The following RRH variants were observed in gnomAD, a reference collection of about 807,000 sequenced individuals.
The protein encoded by RRH is retinal pigment epithelium-derived rhodopsin homolog.
Under a neutral mutation model 33.1 loss-of-function variants are expected in RRH, and 36 were observed. That is an observed-to-expected ratio of 1.09 (90% CI 0.83 to 1.44). RRH has a LOEUF of 1.44. Among genes scored for constraint, RRH ranks in the 40% most tolerant of loss-of-function variants. The pLI, the probability that RRH is intolerant of heterozygous loss-of-function variation, is 0.00. For missense variants in RRH, 393 were observed against 420.2 expected, an observed-to-expected ratio of 0.94 and a Z score of 0.57; for synonymous variants, 124 against 140.2, an observed-to-expected ratio of 0.88 and a Z score of 0.82.
intron 2 of RRH, among the ~76,000 whole-genome samples, chr4:109,834,775 C>G (rs1240892895): frequency 6.6e-6 from 1 of 152,106 alleles, no homozygotes; most frequent in Non-Finnish European, 1.5e-5. Context: ...TGTTCATCTT[C>G]AACTTTATCA....
chr4:109,831,671 G>T (rs1401642528), intron 1 of RRH, among the ~76,000 whole-genome samples: 1 of 152,058 alleles, frequency 6.6e-6, no homozygotes, highest in Non-Finnish European at 1.5e-5. Flanking sequence ...AGTCAAGCAT[G>T]GTGTATCTGG....
At chr4:109,835,595 G>A (rs771306731) in intron 3 of RRH, 130 bp downstream of exon 3, 5 of 750,356 alleles carry the variant, frequency 6.7e-6, no homozygotes, top group Non-Finnish European at 1.2e-5. Context: ...GCCAATAATT[G>A]TTCAAATGTT....
chr4:109,838,161 T>C (rs1733924221), intron 5 of RRH, among the ~76,000 whole-genome samples: 2 of 152,202 alleles, frequency 1.3e-5, no homozygotes, highest in African/African-American at 2.4e-5. Flanking sequence ...TTTCCTACTA[T>C]GGATGATGAG....
At chr4:109,843,884 A>G (rs1207587952) in intron 6 of RRH, among the ~76,000 whole-genome samples, 199 bp from the exon 7 acceptor site, 1 of 152,228 alleles carries the variant, frequency 6.6e-6, no homozygotes, top group Non-Finnish European at 1.5e-5. Context: ...CTATAGAATC[A>G]ATAGTGCAAA....
At chr4:109,842,094 G>A (rs1379695753) in intron 5 of RRH, among the ~76,000 whole-genome samples, 2 of 152,046 alleles carry the variant, frequency 1.3e-5, no homozygotes, top group African/African-American at 4.8e-5. Context: ...TAATAGCCAT[G>A]CCAGGAGTTC....
rs540194140 is a variant in RRH at position 109,831,304 on chromosome 4, A to G, written c.107-1835A>G. Among the ~76,000 whole-genome samples, 25 of 152,288 alleles carry G rather than the reference A, an allele frequency of 1.6e-4. No homozygotes were observed. The South Asian group carries it at 4.6e-3, about 28-fold the overall frequency. ...TAGATGCTAAAAATAGGGCCAAAGA[A>G]TCATCAAATTTGCTGTCATTGTGTG... On this transcript the variant is annotated intron_variant, in intron 1 of 6. Coordinates refer to ENST00000317735, the MANE Select transcript of RRH (RefSeq NM_006583.5).
chr4:109,833,219 A>G lies in RRH; in HGVS notation c.187A>G (p.Ile63Val), dbSNP rs1733797995. The change falls in exon 2 of 7, where the codon ATT becomes GTT. Residue 63 changes from isoleucine to valine, a missense_variant. Ile to Val is a conservative substitution (Grantham distance 29). Transcript: ENST00000317735. ...YKELRTPTNA[I>V]IINLAVTDIG... ...GGAACTTCGGACACCCACAAATGCA[A>G]TTATTATTAACCTGGCTGTTACTGA... is the stretch of plus-strand genomic sequence containing the variant. The G allele has an allele frequency of 6.2e-7, 1 of 1,613,816 alleles. No homozygotes were observed. Among genetic ancestry groups the G allele is most frequent in the East Asian group, 2.2e-5 (1 of 44,862 alleles).
At chr4:109,836,911 A>AT (rs1733897289) in intron 4 of RRH, among the ~76,000 whole-genome samples, 2 of 147,662 alleles carry the variant, frequency 1.4e-5, no homozygotes, top group Non-Finnish European at 3.0e-5. Context: ...AAAAAAAAAA[A>AT]GCAGAGGGTG....
At chr4:109,843,431 G>A (rs1429146727) in intron 6 of RRH, among the ~76,000 whole-genome samples, 5 of 152,156 alleles carry the variant, frequency 3.3e-5, no homozygotes, top group Admixed American at 1.3e-4. Flanking sequence ...GGCTCGTCTT[G>A]AACTCCTGAC....
intron 1 of RRH, 130 bp downstream of exon 1, chr4:109,828,263 G>C (rs1337106288): frequency 4.3e-5 from 28 of 657,402 alleles, no homozygotes; most frequent in Non-Finnish European, 7.8e-5. Context: ...ATCCTGACTT[G>C]GCTTGCTCGT....
At chr4:109,834,418 C>T (rs1733834318) in intron 2 of RRH, among the ~76,000 whole-genome samples, 1 of 150,352 alleles carries the variant, frequency 6.7e-6, no homozygotes, top group African/African-American at 2.4e-5. Flanking sequence ...CAAGCTCTGC[C>T]TTCTGGGTTC....
intron 5 of RRH, among the ~76,000 whole-genome samples, chr4:109,838,357 C>T (rs1490828695): frequency 6.6e-6 from 1 of 152,110 alleles, no homozygotes; most frequent in Non-Finnish European, 1.5e-5. Flanking sequence ...CTCCTGGTTC[C>T]CTGGGGCCTC....
chr4:109,836,090 A>G lies in RRH; in HGVS notation c.481A>G (p.Ile161Val), dbSNP rs1560584753. The G allele has an allele frequency of 3.7e-6, 6 of 1,614,210 alleles. No individual in the cohort carries two copies. The highest frequency in any genetic ancestry group is 5.1e-6 in the Non-Finnish European group (6 of 1,180,008). Residue 161 changes from isoleucine to valine, a missense_variant, in exon 4 of 7, where the codon ATA (isoleucine) becomes GTA (valine). Transcript: ENST00000317735. ...NGLFWALMPI[I>V]GWASYAPDPT... ...CCTGTTTTGGGCTTTGATGCCTATC[A>G]TAGGGTGGGCTAGTTATGCCCCAGA...
intron 3 of RRH, 38 bp downstream of exon 3, chr4:109,835,503 T>A (rs1398258513): frequency 1.5e-6 from 2 of 1,368,542 alleles, no homozygotes; most frequent in Non-Finnish European, 2.1e-6. Context: ...TGAATCCATT[T>A]CTTGACTAAT....
chr4:109,829,998 A>G (rs1733716779), intron 1 of RRH, among the ~76,000 whole-genome samples: 1 of 152,182 alleles, frequency 6.6e-6, no homozygotes, highest in African/African-American at 2.4e-5. Flanking sequence ...TAGTGAAAGC[A>G]TTTATTTCAT....
chr4:109,829,048 A>G (rs1733695007), intron 1 of RRH, among the ~76,000 whole-genome samples: 1 of 151,962 alleles, frequency 6.6e-6, no homozygotes, highest in South Asian at 2.1e-4. Context: ...TTTCAACTTT[A>G]TACTCTAACG....
chr4:109,842,970 G>A (rs193150817), intron 6 of RRH, among the ~76,000 whole-genome samples: 34 of 152,222 alleles, frequency 2.2e-4, no homozygotes, highest in African/African-American at 7.0e-4. Context: ...TAGTTCAAAT[G>A]GTTACCCCCA....
intron 1 of RRH, among the ~76,000 whole-genome samples, chr4:109,828,621 A>G (rs1325536672): frequency 6.6e-6 from 1 of 152,098 alleles, no homozygotes; most frequent in African/African-American, 2.4e-5. Flanking sequence ...GGTTCTGGAA[A>G]GAAAAAGTCC....
rs755768394 is a variant in RRH at position 109,836,054 on chromosome 4, T to A, written c.445T>A (p.Trp149Arg). The A allele has an allele frequency of 6.2e-6, 10 of 1,614,108 alleles. No homozygotes were observed. The highest frequency in any genetic ancestry group is 8.5e-6 in the Non-Finnish European group (10 of 1,180,030). ...NTYIGLILGA[W>R]INGLFWALMP... ...TTACATCGGCTTGATTCTGGGAGCC[T>A]GGATCAATGGCCTGTTTTGGGCTTT... Residue 149 changes from tryptophan to arginine, a missense_variant, in exon 4 of 7, where the codon TGG (tryptophan) becomes AGG (arginine). By Grantham distance (101) the Trp-to-Arg change is moderately radical. Coordinates refer to ENST00000317735, the MANE Select transcript of RRH (RefSeq NM_006583.5).
Sources: allele counts gnomAD v4.1 joint callset (sites outside exome capture counted in the v4.1 genomes callset), GRCh38; gene constraint gnomAD v4.1.1; transcripts MANE v1.5; gene names NCBI Gene and HGNC (gene_info 2026-07-23, HGNC 2026-07-21).